Variants in SPDYA observed in about 807,000 individuals in gnomAD.
The protein encoded by SPDYA is speedy/RINGO cell cycle regulator family member A.
Under a neutral mutation model 36.7 loss-of-function variants are expected in SPDYA, and 11 were observed. The ratio of observed to expected loss-of-function variants is 0.30; its 90% CI spans 0.19 to 0.50. The LOEUF is 0.50. Ranked by LOEUF, SPDYA falls within the 20% of genes least tolerant of loss-of-function variation. The pLI is 0.98. For missense variants in SPDYA, 287 were observed against 370.9 expected (o/e 0.77, Z 1.86); for synonymous variants, 115 against 118.7 (o/e 0.97, Z 0.20).
chr2:28,818,637 GT>G (rs1395150516), intron 3 of SPDYA, among the ~76,000 whole-genome samples: 2 of 151,864 alleles, frequency 1.3e-5, no homozygotes, highest in East Asian at 1.9e-4. Flanking sequence ...TATCCTAATA[GT>G]TTTTTCAAAA....
intron 7 of SPDYA, among the ~76,000 whole-genome samples, chr2:28,843,550 CAAA>C (rs371405702): frequency 2.7e-5 from 3 of 110,756 alleles, no homozygotes; most frequent in Non-Finnish European, 1.8e-5. Flanking sequence ...AACTTCGTCT[CAAA>C]AAAAAAAAAA....
chr2:28,829,417 G>GTTTTT, intron 6 of SPDYA, 98 bp downstream of exon 6: 5 of 855,386 alleles, frequency 5.8e-6, no homozygotes, highest in Non-Finnish European at 5.0e-6. Context: ...GGTATTCTGG[G>GTTTTT]TTTTTTTTTT....
Position 28,816,262 on chromosome 2 carries a change from T to A in SPDYA, c.235+13T>A. ...TTTAAATTATTTGGTAGGTTTAAAATATTGTAATAGTGGTAATTATAAAGT... is the reference window on the plus strand; with the variant it reads ...TTTAAATTATTTGGTAGGTTTAAAAAATTGTAATAGTGGTAATTATAAAGT... On this transcript the variant is annotated intron_variant, in intron 3 of 7. Transcript: ENST00000334056. 6.4e-7 allele frequency: 1 copy of A among 1,554,748 alleles called. No homozygotes were observed. Among genetic ancestry groups the A allele is most frequent in the Non-Finnish European group, 8.8e-7 (1 of 1,141,140 alleles).
intron 5 of SPDYA, among the ~76,000 whole-genome samples, chr2:28,827,358 T>C (rs1005547276): frequency 6.6e-6 from 1 of 152,244 alleles, no homozygotes; most frequent in Non-Finnish European, 1.5e-5. Context: ...AATTTCATTA[T>C]AAAATTTTCC....
chr2:28,849,325 C>T (rs1668973820), intron 7 of SPDYA, among the ~76,000 whole-genome samples: 2 of 152,002 alleles, frequency 1.3e-5, no homozygotes, highest in African/African-American at 2.4e-5. Context: ...GGAGTCTCGC[C>T]CTGTCACCCA....
At chr2:28,819,843 AAAAAAAATATATATATATATATATAT>A (rs1295331595) in intron 4 of SPDYA, among the ~76,000 whole-genome samples, 5 of 42,916 alleles carry the variant, frequency 1.2e-4, no homozygotes, top group African/African-American at 4.6e-4. Context: ...AAAAAAAAAA[AAAAAAAATATATATATATATATATAT>A]ATATATATAT....
At chr2:28,848,831 C>A (rs1668954890) in intron 7 of SPDYA, among the ~76,000 whole-genome samples, 1 of 152,030 alleles carries the variant, frequency 6.6e-6, no homozygotes, top group Non-Finnish European at 1.5e-5. Context: ...ACTGCTTGAG[C>A]TTCGGAGTTT....
chr2:28,820,264 G>A (rs1028757001), intron 4 of SPDYA, among the ~76,000 whole-genome samples: 1 of 152,034 alleles, frequency 6.6e-6, no homozygotes, highest in African/African-American at 2.4e-5. Context: ...ACTGGGAGCA[G>A]CGATGTTTCT....
At chr2:28,819,901 T>G (rs1668113480) in intron 4 of SPDYA, among the ~76,000 whole-genome samples, 1 of 105,218 alleles carries the variant, frequency 9.5e-6, no homozygotes, top group Non-Finnish European at 1.8e-5. Flanking sequence ...TATATATATA[T>G]ATTTTATCCT....
At chr2:28,845,888 C>T (rs1422905409) in intron 7 of SPDYA, among the ~76,000 whole-genome samples, 2 of 152,116 alleles carry the variant, frequency 1.3e-5, no homozygotes, top group Non-Finnish European at 2.9e-5. Context: ...ATATGTATTA[C>T]TATGAAAGCT....
intron 5 of SPDYA, among the ~76,000 whole-genome samples, chr2:28,826,609 CTCTTTTT>C (rs1323830825): frequency 2.1e-5 from 2 of 95,332 alleles, no homozygotes; most frequent in African/African-American, 7.2e-5. Flanking sequence ...CTTTCTTTCT[CTCTTTTT>C]TTTTTTTTTT....
chr2:28,843,342 G>A (rs986420642), intron 7 of SPDYA, among the ~76,000 whole-genome samples: 7 of 152,088 alleles, frequency 4.6e-5, no homozygotes, highest in African/African-American at 1.7e-4. Flanking sequence ...CTGAGGTCAG[G>A]AGTTCCAGAC....
intron 5 of SPDYA, 65 bp from the exon 6 acceptor site, chr2:28,829,083 G>A: frequency 1.4e-6 from 2 of 1,417,510 alleles, no homozygotes; most frequent in South Asian, 2.7e-5. Flanking sequence ...ATGTCTTGGT[G>A]TATGTGAACT....
At position 28,849,979 on chromosome 2, in the gene SPDYA, A is replaced by C; in HGVS notation, c.*38A>C. 6.8e-7 allele frequency: 1 copy of C among 1,463,918 alleles called. No individual in the cohort carries two copies. The highest frequency in any genetic ancestry group is 1.4e-5 in the African/African-American group (1 of 70,724). 90.7% of individuals were successfully genotyped at this position (1,463,918 alleles called of 1,614,324 possible). On this transcript the variant is annotated 3_prime_UTR_variant, in exon 8 of 8. Transcript: ENST00000334056. ...AAACCAATTTGGAATCATTAACTAC[A>C]AAATGTCAAACTAACTGCAAGACAA... is the stretch of plus-strand genomic sequence containing the variant.
chr2:28,830,125 C>A (rs777317066), intron 6 of SPDYA, among the ~76,000 whole-genome samples: 72 of 150,928 alleles, frequency 4.8e-4, no homozygotes, highest in Non-Finnish European at 8.6e-4. Flanking sequence ...GGCAACAGAG[C>A]GAAACTCCAT....
chr2:28,844,802 G>A (rs895540709), intron 7 of SPDYA, among the ~76,000 whole-genome samples: 2 of 151,794 alleles, frequency 1.3e-5, no homozygotes, highest in Admixed American at 6.6e-5. Flanking sequence ...GGCATGGTGC[G>A]GGTGCCTGTA....
intron 6 of SPDYA, among the ~76,000 whole-genome samples, chr2:28,835,623 G>C (rs1668578267): frequency 6.6e-6 from 1 of 152,152 alleles, no homozygotes; most frequent in African/African-American, 2.4e-5. Flanking sequence ...CAAATGAATG[G>C]AACTTCCAAT....
chr2:28,840,070 C>T, intron 6 of SPDYA, 102 bp from the exon 7 acceptor site: 1 of 1,110,266 alleles, frequency 9.0e-7, no homozygotes, highest in Non-Finnish European at 1.2e-6. Flanking sequence ...GGATTTTTAT[C>T]TTCACTTTAG....
intron 5 of SPDYA, among the ~76,000 whole-genome samples, chr2:28,828,571 C>T (rs557494154): frequency 2.0e-4 from 31 of 152,286 alleles, no homozygotes; most frequent in African/African-American, 7.2e-4. Context: ...TTTGATTAGT[C>T]GCCTTATGAT....
Sources: allele counts gnomAD v4.1 joint callset (sites outside exome capture counted in the v4.1 genomes callset), GRCh38; gene constraint gnomAD v4.1.1; transcripts MANE v1.5; gene names NCBI Gene and HGNC (gene_info 2026-07-23, HGNC 2026-07-21).